ACOX1: variants seen among roughly 807,000 people sequenced by gnomAD.
ACOX1 encodes the protein acyl-CoA oxidase 1, also known as peroxisomal acyl-coenzyme A oxidase 1.
ACOX1 carries 41 observed loss-of-function variants against 75.5 expected under a neutral mutation model. The ratio of observed to expected loss-of-function variants is 0.54; its 90% CI spans 0.42 to 0.70. The LOEUF (loss-of-function observed/expected upper bound fraction) is 0.70, where lower values mean the gene tolerates loss of function less well. Among genes scored for constraint, ACOX1 ranks in the 30% least tolerant of loss-of-function variants. ACOX1 has a pLI of 0.00. For missense variants in ACOX1, 630 were observed against 837.5 expected (o/e 0.75, Z 3.06); for synonymous variants, 303 against 298.8 (o/e 1.01, Z -0.15).
Position 75,955,949 on chromosome 17 carries a change from T to G in ACOX1, c.539-2A>C. 1 of 1,614,102 alleles carries G rather than the reference T, an allele frequency of 6.2e-7. No homozygotes were observed. Among genetic ancestry groups the G allele is most frequent in the Non-Finnish European group, 8.5e-7 (1 of 1,179,996 alleles). ...TTGCATGATTTGAAGTCTTTCCAAC[T>G]GTAATATCAAAGAGAACAAGGGAGG... On this transcript the variant is annotated splice_acceptor_variant, in intron 4 of 13. Coordinates refer to ENST00000293217, the MANE Select transcript of ACOX1 (RefSeq NM_004035.7). LOFTEE classifies it high-confidence loss of function.
intron 13 of ACOX1, among the ~76,000 whole-genome samples, chr17:75,947,642 C>A (rs1432456754): frequency 1.3e-5 from 2 of 151,852 alleles, no homozygotes; most frequent in African/African-American, 4.8e-5. Context: ...AAAGGGTGTA[C>A]CAAAGAGCAC....
Position 75,955,692 on chromosome 17 carries a change from T to C in ACOX1, c.659-11A>G, listed in dbSNP as rs747995450. ...CACCAACGGTAATTCCTACCACAGA[T>C]GAAAGGACAGTCACGAGATGTTTAT... is the stretch of plus-strand genomic sequence containing the variant. On this transcript the variant is annotated splice_polypyrimidine_tract_variant and intron_variant, in intron 5 of 13. Transcript: ENST00000293217. The C allele has an allele frequency of 1.2e-6, 2 of 1,613,252 alleles. No homozygotes were observed. The highest frequency in any genetic ancestry group is 1.3e-5 in the African/African-American group (1 of 75,038).
At chr17:75,969,446 G>A (rs1482210033) in intron 2 of ACOX1, among the ~76,000 whole-genome samples, 14 of 152,174 alleles carry the variant, frequency 9.2e-5, no homozygotes, top group Admixed American at 2.0e-4. Flanking sequence ...GATTACAGGC[G>A]TGAGCCACCG....
At chr17:75,975,950 A>C (rs1312653904) in intron 2 of ACOX1, among the ~76,000 whole-genome samples, 1 of 143,314 alleles carries the variant, frequency 7.0e-6, no homozygotes, top group Non-Finnish European at 1.5e-5. Flanking sequence ...AAAAGAAAAG[A>C]AAGAAAGAAA....
chr17:75,949,999 G>T, intron 9 of ACOX1, 102 bp from the exon 10 acceptor site: 1 of 1,294,414 alleles, frequency 7.7e-7, no homozygotes, highest in Non-Finnish European at 1.1e-6. Flanking sequence ...GAGTGCAATG[G>T]CCAGATCTCA....
chr17:75,972,737 T>C (rs2066009059), intron 2 of ACOX1, among the ~76,000 whole-genome samples: 1 of 151,904 alleles, frequency 6.6e-6, no homozygotes, highest in Non-Finnish European at 1.5e-5. Context: ...GAAGTTGAAG[T>C]CTTGAGTGTT....
chr17:75,948,432 A>T lies in ACOX1; in HGVS notation c.1754T>A (p.Ile585Asn). 1 of 1,614,210 alleles carries T rather than the reference A, an allele frequency of 6.2e-7. No homozygotes were observed. ...LQGSIMTEPQITQVNQRVKEL... is the reference protein window; with the variant it reads ...LQGSIMTEPQNTQVNQRVKEL... Reference sequence around the variant, plus strand: ...CTTTACACGCTGGTTTACTTGTGTAATCTGAGGCTCTGTCATGATGCTCCC... The same window carrying T: ...CTTTACACGCTGGTTTACTTGTGTATTCTGAGGCTCTGTCATGATGCTCCC... The change falls in exon 13 of 14, where the codon ATT becomes AAT. Residue 585 changes from isoleucine to asparagine, a missense_variant. Transcript: ENST00000293217.
In ACOX1 at chr17:75,949,506, G is replaced by C. The variant is rs771228961; in HGVS notation, c.1573C>G (p.Arg525Gly). The C allele has an allele frequency of 4.3e-6, 7 of 1,614,126 alleles. No homozygotes were observed. The South Asian group carries it at 6.6e-5, about 15-fold the overall frequency. Residue 525 changes from arginine (R) to glycine (G), a missense_variant, in exon 11 of 14, where the codon CGA (arginine) becomes GGA (glycine). By Grantham distance (125) the Arg-to-Gly change is moderately radical. This residue lies in a region of ACOX1 where 240 missense variants were observed against 262.7 expected (regional missense o/e 0.91). Coordinates refer to ENST00000293217, the MANE Select transcript of ACOX1 (RefSeq NM_004035.7). The stretch of plus-strand genomic sequence containing the variant: ...GAACTACCACTGACCTCACTTGCTC[G>C]AACAAGGTCAACAGAAGTTAGGTTC... Reference protein sequence around the residue: ...AWNLTSVDLVRASEAHCHYVV... With the variant: ...AWNLTSVDLVGASEAHCHYVV...
In ACOX1 at chr17:75,958,669, A is replaced by G. The variant is rs371046658; in HGVS notation, c.431-1103T>C. On this transcript the variant is annotated intron_variant, in intron 3 of 13. Coordinates refer to ENST00000293217, the MANE Select transcript of ACOX1 (RefSeq NM_004035.7). ...TAAAAATACAAAAAATTAGCTGGGC[A>G]TGGTGGTGGGTGCCTGTAGTCCCAG... Among the ~76,000 whole-genome samples, 919 of 151,938 alleles carry G rather than the reference A, an allele frequency of 6.0e-3. 6 individuals are homozygous for G. The highest frequency in any genetic ancestry group is 0.012 in the African/African-American group (510 of 41,462).
intron 2 of ACOX1, among the ~76,000 whole-genome samples, chr17:75,972,161 C>G (rs2144311068): frequency 6.6e-6 from 1 of 152,146 alleles, no homozygotes; most frequent in East Asian, 1.9e-4. Context: ...AACCCCGTCT[C>G]TACTAAAATA....
In ACOX1 at chr17:75,950,241, C is replaced by G. The variant is rs2065761941; in HGVS notation, c.1299-344G>C. Reference sequence around the variant, plus strand: ...GTGCTGGGATTACAGGAGTAAGCCACCACACCTGGCCTTTTTTTTTTTGAT... The same window carrying G: ...GTGCTGGGATTACAGGAGTAAGCCAGCACACCTGGCCTTTTTTTTTTTGAT... On this transcript the variant is annotated intron_variant, in intron 9 of 13. Transcript: ENST00000293217. This position sits in a 1 kb window ranked among gnomAD's most constrained non-coding sequence, Gnocchi z 4.3. Among the ~76,000 whole-genome samples, 1 of 150,984 alleles carries G rather than the reference C, an allele frequency of 6.6e-6. No individual in the cohort carries two copies. Among genetic ancestry groups the G allele is most frequent in the Admixed American group, 6.6e-5 (1 of 15,202 alleles).
Position 75,979,116 on chromosome 17 carries a change from G to C in ACOX1, c.-43C>G. 6.2e-7 allele frequency: 1 copy of C among 1,605,096 alleles called. No individual in the cohort carries two copies. Among genetic ancestry groups the C allele is most frequent in the South Asian group, 1.1e-5 (1 of 91,018 alleles). ...AGCGAAGTAAGCACCGACCGAGGTG[G>C]CAGTGACAATCTAAATCCGCAGCTC... On this transcript the variant is annotated 5_prime_UTR_variant, in exon 1 of 14. Transcript: ENST00000293217.
intron 6 of ACOX1, among the ~76,000 whole-genome samples, chr17:75,954,373 A>C: frequency 6.7e-6 from 1 of 149,746 alleles, no homozygotes; most frequent in East Asian, 2.0e-4. Flanking sequence ...ATACAAAACA[A>C]TTAGCTGGGT....
rs760773613 is a variant in ACOX1, at chr17:75,978,915, G to A, written c.109+50C>T. ...GCGCCCCTGACTCCGCATCGAGGGA[G>A]TCTCCAGCTTTTCTCGGGAAAGGAG... On this transcript the variant is annotated intron_variant, in intron 1 of 13. Coordinates refer to ENST00000293217, the MANE Select transcript of ACOX1 (RefSeq NM_004035.7). This position sits in a 1 kb window ranked among gnomAD's most constrained non-coding sequence, Gnocchi z 4.2. The A allele has an allele frequency of 1.9e-6, 3 of 1,605,152 alleles. No homozygotes were observed. Among genetic ancestry groups the A allele is most frequent in the Admixed American group, 3.3e-5 (2 of 59,970 alleles).
chr17:75,976,860 G>C (rs2066054971), intron 2 of ACOX1, among the ~76,000 whole-genome samples: 1 of 151,910 alleles, frequency 6.6e-6, no homozygotes, highest in Middle Eastern at 3.2e-3. Context: ...TGAAAATACT[G>C]GAGTTCCTTT....
rs1318706331 is a variant in ACOX1 at position 75,946,618 on chromosome 17, T to C, written c.*130A>G. 4 of 775,648 alleles carry C rather than the reference T, an allele frequency of 5.2e-6. No homozygotes were observed. The highest frequency in any genetic ancestry group is 8.9e-6 in the Non-Finnish European group (4 of 450,530). 48.0% of individuals were successfully genotyped at this position (775,648 alleles called of 1,614,324 possible). ...TAATCTCTGAAATCTGTTCATTTTTTCCCTCCATTTATAAAAAGGGGTCAA... is the reference window on the plus strand; with the variant it reads ...TAATCTCTGAAATCTGTTCATTTTTCCCCTCCATTTATAAAAAGGGGTCAA... On this transcript the variant is annotated 3_prime_UTR_variant, in exon 14 of 14. Coordinates refer to ENST00000293217, the MANE Select transcript of ACOX1 (RefSeq NM_004035.7).
intron 3 of ACOX1, among the ~76,000 whole-genome samples, chr17:75,959,031 T>C (rs2065865348): frequency 6.6e-6 from 1 of 152,122 alleles, no homozygotes. Flanking sequence ...TTTTAAATCT[T>C]AACACAAATA....
Position 75,960,847 on chromosome 17 carries a change from G to A in ACOX1, c.270-472C>T, listed in dbSNP as rs975188427. 7.2e-5 allele frequency among the ~76,000 whole-genome samples: 11 copies of A among 151,830 alleles called. No individual in the cohort carries two copies. The highest frequency in any genetic ancestry group is 1.0e-4 in the Non-Finnish European group (7 of 67,980). ...ACAAAAATCAGCTGAACGTGGTGGC[G>A]CCAGCCAGTAGTCCCAGCTATTTGG... On this transcript the variant is annotated intron_variant, in intron 2 of 13. Transcript: ENST00000293217. This position sits in a 1 kb window ranked among gnomAD's most constrained non-coding sequence, Gnocchi z 4.4.
chr17:75,960,414 G>T lies in ACOX1; in HGVS notation c.270-39C>A. ...TCAAGGATGGGCATTTGAGAGAAGA[G>T]TCATCAGGTGTGAGAGAATCAGCAA... is the stretch of plus-strand genomic sequence containing the variant. On this transcript the variant is annotated intron_variant, in intron 2 of 13. Transcript: ENST00000293217. The surrounding 1 kb of genome is among the most constrained non-coding windows in gnomAD (Gnocchi z 4.4). The T allele has an allele frequency of 1.2e-6, 2 of 1,603,120 alleles. No individual in the cohort carries two copies. The highest frequency in any genetic ancestry group is 1.7e-6 in the Non-Finnish European group (2 of 1,175,078).
Sources: allele counts gnomAD v4.1 joint callset (sites outside exome capture counted in the v4.1 genomes callset), GRCh38; gene constraint gnomAD v4.1.1; regional missense constraint gnomAD v4.1.1; non-coding constraint Gnocchi (gnomAD v3.1); transcripts MANE v1.5; gene names NCBI Gene and HGNC (gene_info 2026-07-23, HGNC 2026-07-21).